Variants in LRRC74A observed in about 807,000 individuals in gnomAD.
LRRC74A encodes the protein leucine-rich repeat-containing protein 74A.
Under a neutral mutation model 57.9 loss-of-function variants are expected in LRRC74A, and 44 were observed. The ratio of observed to expected loss-of-function variants is 0.76; its 90% CI spans 0.60 to 0.98. LRRC74A has a LOEUF of 0.98. Ranked by LOEUF, LRRC74A falls within the 50% of genes least tolerant of loss-of-function variation. The probability of loss-of-function intolerance (pLI) is 0.00; values close to 1 mark genes in which losing one functional copy is unlikely to be tolerated. For missense variants in LRRC74A, 572 were observed against 574.0 expected (o/e 1.00, Z 0.04); for synonymous variants, 211 against 219.4 (o/e 0.96, Z 0.34).
At chr14:76,836,876 C>T (rs1353274485) in intron 4 of LRRC74A, among the ~76,000 whole-genome samples, 1 of 150,914 alleles carries the variant, frequency 6.6e-6, no homozygotes, top group Admixed American at 6.6e-5. Context: ...CATGATGGCT[C>T]ACGCCTGTAA....
intron 5 of LRRC74A, among the ~76,000 whole-genome samples, chr14:76,839,738 A>C (rs575229306): frequency 6.6e-6 from 1 of 152,248 alleles, no homozygotes; most frequent in East Asian, 1.9e-4. Flanking sequence ...TAAACTATAG[A>C]TATTCATACT....
At chr14:76,827,121 G>A (rs1895631357) in intron 1 of LRRC74A, among the ~76,000 whole-genome samples, 1 of 152,088 alleles carries the variant, frequency 6.6e-6, no homozygotes, top group Admixed American at 6.5e-5. Context: ...GCATTCTACT[G>A]GTTGAATGGA....
intron 9 of LRRC74A, among the ~76,000 whole-genome samples, chr14:76,854,737 TATTTC>T (rs1453762568): frequency 6.6e-6 from 1 of 152,234 alleles, no homozygotes; most frequent in Non-Finnish European, 1.5e-5. Context: ...AATGAATACA[TATTTC>T]ATTTTAAATT....
chr14:76,863,573 G>A (rs73307811), intron 11 of LRRC74A, among the ~76,000 whole-genome samples: 3,751 of 152,260 alleles, frequency 0.025, 158 homozygotes, highest in African/African-American at 0.086. Flanking sequence ...AACGCCCTTC[G>A]TGTTCCCGAA....
rs375366959 is a variant in LRRC74A, at chr14:76,869,976, G to A, written c.1392-149G>A. The A allele has an allele frequency of 2.3e-5, 17 of 724,866 alleles. No individual in the cohort carries two copies. The East Asian group carries it at 4.1e-4, about 17-fold the overall frequency. The allele number at this position is 724,866 out of a possible 1,614,324, so 44.9% of individuals were successfully genotyped here. A position where few individuals can be genotyped will look rare whatever the true frequency, so the allele number is the denominator to read the frequency against. ...CACACATGCACACATGTGTAGTGGG[G>A]GAGATATAATGGTTAACAGCATGAC... On this transcript the variant is annotated intron_variant, in intron 13 of 13. Coordinates refer to ENST00000689127, the MANE Select transcript of LRRC74A (RefSeq NM_001385106.1).
chr14:76,868,653 T>C (rs1245593959), intron 13 of LRRC74A, among the ~76,000 whole-genome samples: 1 of 152,144 alleles, frequency 6.6e-6, no homozygotes, highest in Non-Finnish European at 1.5e-5. Flanking sequence ...CCATCTGTCT[T>C]GGTGGCCCTG....
chr14:76,868,167 AAAG>A (rs1383004767), intron 13 of LRRC74A, among the ~76,000 whole-genome samples: 1 of 152,244 alleles, frequency 6.6e-6, no homozygotes, highest in African/African-American at 2.4e-5. Flanking sequence ...GAAGTGCAGC[AAAG>A]AAGCCAAGTT....
chr14:76,837,868 CT>C lies in LRRC74A; in HGVS notation c.448-3del. The C allele has an allele frequency of 6.4e-7, 1 of 1,561,456 alleles. No individual in the cohort carries two copies. The highest frequency in any genetic ancestry group is 8.7e-7 in the Non-Finnish European group (1 of 1,146,628). ...TTTACATACCGAAGTGTTTTCTTGC[CT>C]TTTAGAATATTTCCAACAATCACCT... is the stretch of plus-strand genomic sequence containing the variant. On this transcript the variant is annotated splice_polypyrimidine_tract_variant and splice_region_variant and intron_variant, in intron 4 of 13. Coordinates refer to ENST00000689127, the MANE Select transcript of LRRC74A (RefSeq NM_001385106.1).
Position 76,847,524 on chromosome 14 carries a change from TG to T in LRRC74A, c.676+2628del, listed in dbSNP as rs373809474. On this transcript the variant is annotated intron_variant, in intron 7 of 13. Transcript: ENST00000689127. The stretch of plus-strand genomic sequence containing the variant: ...CGAACACAGAGAGGGGAACAGACAC[TG>T]GGGGACTAACTGAGGGTGGAGGGAG... Among the ~76,000 whole-genome samples the T allele has an allele frequency of 2.6e-4, 39 of 151,352 alleles. 2 individuals carry two copies. The South Asian group carries it at 6.6e-3, about 25-fold the overall frequency.
At chr14:76,862,784 T>G (rs970684976) in intron 11 of LRRC74A, among the ~76,000 whole-genome samples, 8 of 152,038 alleles carry the variant, frequency 5.3e-5, no homozygotes, top group African/African-American at 1.4e-4. Flanking sequence ...ACACAGCATG[T>G]TCAGGGGACA....
At chr14:76,851,684 TGA>T (rs1277549055) in intron 7 of LRRC74A, among the ~76,000 whole-genome samples, 5 of 143,188 alleles carry the variant, frequency 3.5e-5, no homozygotes, top group Non-Finnish European at 7.7e-5. Flanking sequence ...TTTTTTTTTT[TGA>T]GACAGAGTCT....
intron 10 of LRRC74A, among the ~76,000 whole-genome samples, chr14:76,859,439 C>T (rs1898131992): frequency 6.7e-6 from 1 of 149,692 alleles, no homozygotes; most frequent in African/African-American, 2.5e-5. Context: ...GAGGCTGAAG[C>T]AGGAGAATCA....
chr14:76,856,584 C>CTGGATGGA (rs56324752), intron 9 of LRRC74A, among the ~76,000 whole-genome samples: 12 of 148,270 alleles, frequency 8.1e-5, no homozygotes, highest in Middle Eastern at 3.5e-3. Flanking sequence ...TGCTGGCTGG[C>CTGGATGGA]TGGATGGATG....
In LRRC74A at chr14:76,857,427, G is replaced by T; in HGVS notation, c.1005G>T (p.Leu335=). 1 of 1,588,130 alleles carries T rather than the reference G, an allele frequency of 6.3e-7. No individual in the cohort carries two copies. ...TGGATGGGGCTATTTTACTTATCCT[G>T]GCTATCAAGAGGAACCCCAAATCCA... is the stretch of plus-strand genomic sequence containing the variant. ...INMDGAILLI[L]AIKRNPKSRM... Residue 335 remains leucine (L), a synonymous_variant, in exon 10 of 14, where the codon CTG becomes CTT. Coordinates refer to ENST00000689127, the MANE Select transcript of LRRC74A (RefSeq NM_001385106.1).
intron 1 of LRRC74A, among the ~76,000 whole-genome samples, chr14:76,827,887 C>T (rs1282086978): frequency 6.6e-6 from 1 of 152,010 alleles, no homozygotes; most frequent in Non-Finnish European, 1.5e-5. Flanking sequence ...CTCCCTGGCA[C>T]CATTTGTGCC....
intron 7 of LRRC74A, among the ~76,000 whole-genome samples, chr14:76,848,928 A>G (rs1044868767): frequency 6.6e-6 from 1 of 152,200 alleles, no homozygotes; most frequent in Non-Finnish European, 1.5e-5. Flanking sequence ...TCATGGTGGC[A>G]TTTGAAGCCT....
intron 10 of LRRC74A, among the ~76,000 whole-genome samples, chr14:76,857,692 T>C (rs1488859788): frequency 6.6e-6 from 1 of 152,076 alleles, no homozygotes; most frequent in Non-Finnish European, 1.5e-5. Context: ...TGAGAAATAA[T>C]TTACCAGATG....
chr14:76,844,635 G>T (rs1897001610), intron 6 of LRRC74A, among the ~76,000 whole-genome samples, 163 bp downstream of exon 6: 1 of 152,138 alleles, frequency 6.6e-6, no homozygotes, highest in African/African-American at 2.4e-5. Context: ...GCAAATGGTA[G>T]AGCTGTTTAT....
chr14:76,863,864 A>G (rs1898529295), intron 11 of LRRC74A, among the ~76,000 whole-genome samples: 1 of 152,244 alleles, frequency 6.6e-6, no homozygotes, highest in Non-Finnish European at 1.5e-5. Flanking sequence ...ATAATCAAGA[A>G]GCTGCATGAT....
Sources: allele counts gnomAD v4.1 joint callset (sites outside exome capture counted in the v4.1 genomes callset), GRCh38; gene constraint gnomAD v4.1.1; transcripts MANE v1.5; gene names NCBI Gene and HGNC (gene_info 2026-07-23, HGNC 2026-07-21).